The following IL12RB2 variants were observed in gnomAD, a reference collection of about 807,000 sequenced individuals.
IL12RB2 encodes the protein interleukin 12 receptor subunit beta 2.
In IL12RB2, 82 loss-of-function variants were observed where a neutral mutation model predicts 89.4. That is an observed-to-expected ratio of 0.92 (90% CI 0.77 to 1.10). The LOEUF is 1.10. Among genes scored for constraint, IL12RB2 ranks in the 50% least tolerant of loss-of-function variants. IL12RB2 has a pLI of 0.00. For missense variants in IL12RB2, 963 were observed against 1,031.9 expected (o/e 0.93, Z 0.92); for synonymous variants, 368 against 370.1 (o/e 0.99, Z 0.07).
rs866154585 is a variant in IL12RB2, at chr1:67,390,084, G to A, written c.2002G>A (p.Asp668Asn). ...TCAGTGGTGTAGCAGAGAAATTCCA[G>A]ATCCAGCAAATAGCACTTGCGCTAA... Reference protein sequence around the residue: ...RPQWCSREIPDPANSTCAKKY... With the variant: ...RPQWCSREIPNPANSTCAKKY... The change falls in exon 16 of 17, where the codon GAT (aspartate) becomes AAT (asparagine). Residue 668 changes from aspartate (D) to asparagine (N), a missense_variant. Physicochemically the swap from Asp to Asn is conservative, Grantham distance 23 (BLOSUM62 1). Coordinates refer to ENST00000674203, the MANE Select transcript of IL12RB2 (RefSeq NM_001374259.2). 5 of 1,401,154 alleles carry A rather than the reference G, an allele frequency of 3.6e-6. No homozygotes were observed. In the Middle Eastern group the frequency reaches 7.1e-4, roughly 198 times the overall value. 86.8% of individuals were successfully genotyped at this position (1,401,154 alleles called of 1,614,324 possible).
rs745823631 is a variant in IL12RB2, at chr1:67,328,327, G to A, written c.607G>A (p.Val203Ile). 5 of 1,614,034 alleles carry A rather than the reference G, an allele frequency of 3.1e-6. No individual in the cohort carries two copies. Among genetic ancestry groups the A allele is most frequent in the Admixed American group, 3.3e-5 (2 of 60,000 alleles). Residue 203 changes from valine (V) to isoleucine (I), a missense_variant, in exon 6 of 17, where the codon GTC becomes ATC. Physicochemically the swap from Val to Ile is conservative, Grantham distance 29. Coordinates refer to ENST00000674203, the MANE Select transcript of IL12RB2 (RefSeq NM_001374259.2). ...ESNFTAKVTA[V>I]NSLGSSSSLP... is the part of the protein sequence containing the mutation. ...CAATTTCACAGCCAAGGTTACTGCT[G>A]TCAATAGTCTTGGAAGCTCCTCTTC...
intron 13 of IL12RB2, 81 bp downstream of exon 13, chr1:67,372,864 C>G: frequency 6.6e-6 from 6 of 910,840 alleles, no homozygotes; most frequent in African/African-American, 1.6e-5. Flanking sequence ...GTGTGCACAT[C>G]TACACACATG....
At chr1:67,377,846 C>T (rs763271354) in intron 13 of IL12RB2, among the ~76,000 whole-genome samples, 3 of 152,098 alleles carry the variant, frequency 2.0e-5, no homozygotes, top group South Asian at 2.1e-4. Flanking sequence ...TGAAACTCGG[C>T]GGGGTGCGGT....
intron 14 of IL12RB2, among the ~76,000 whole-genome samples, chr1:67,386,359 G>A (rs1385364846): frequency 1.3e-5 from 2 of 152,092 alleles, no homozygotes; most frequent in African/African-American, 2.4e-5. Context: ...CCTGTGAGTC[G>A]GAGGAGCCCT....
At chr1:67,331,775 G>A (rs1241902077) in intron 8 of IL12RB2, among the ~76,000 whole-genome samples, 1 of 152,124 alleles carries the variant, frequency 6.6e-6, no homozygotes, top group African/African-American at 2.4e-5. Flanking sequence ...GGAGGCAAAG[G>A]TTGCAATGAG....
At chr1:67,343,688 A>T (rs981265972) in intron 9 of IL12RB2, among the ~76,000 whole-genome samples, 1 of 152,158 alleles carries the variant, frequency 6.6e-6, no homozygotes, top group Non-Finnish European at 1.5e-5. Flanking sequence ...TTAAAACAGC[A>T]TGTATCTTTT....
chr1:67,385,560 C>A (rs1157065849), intron 14 of IL12RB2, among the ~76,000 whole-genome samples: 1 of 152,226 alleles, frequency 6.6e-6, no homozygotes, highest in Non-Finnish European at 1.5e-5. Context: ...ACATTCATGA[C>A]TTCTTTAGAC....
rs568011791 is a variant in IL12RB2, at chr1:67,319,916, G to A, written c.-36-417G>A. 2.6e-5 allele frequency among the ~76,000 whole-genome samples: 4 copies of A among 152,254 alleles called. No individual in the cohort carries two copies. In the East Asian group the frequency reaches 7.7e-4, roughly 29 times the overall value. On this transcript the variant is annotated intron_variant, in intron 2 of 16. Coordinates refer to ENST00000674203, the MANE Select transcript of IL12RB2 (RefSeq NM_001374259.2). The stretch of plus-strand genomic sequence containing the variant: ...TCCGTTGTCCCTTCCACCATGTGAG[G>A]TCGCAGCAAGAAGGCCCCATCTATG...
Position 67,308,553 on chromosome 1 carries a change from CCAGCCT to C in IL12RB2, c.-125+590_-125+595del, listed in dbSNP as rs1392942764. On this transcript the variant is annotated intron_variant, in intron 1 of 16. Coordinates refer to ENST00000674203, the MANE Select transcript of IL12RB2 (RefSeq NM_001374259.2). The stretch of plus-strand genomic sequence containing the variant: ...AGATGCTCTGGTGCAAGCAAATTGG[CCAGCCT>C]CAGTTTTCTCTTCTGTGAAATGCCC... 2.0e-5 allele frequency among the ~76,000 whole-genome samples: 3 copies of C among 152,242 alleles called. No individual in the cohort carries two copies. In the East Asian group the frequency reaches 5.8e-4, roughly 29 times the overall value.
chr1:67,357,314 G>A (rs1661509096), intron 10 of IL12RB2, among the ~76,000 whole-genome samples: 1 of 152,226 alleles, frequency 6.6e-6, no homozygotes, highest in Non-Finnish European at 1.5e-5. Flanking sequence ...GGAAGTGGAG[G>A]TTGCAGTGAG....
At chr1:67,379,769 T>C (rs1019080200) in intron 13 of IL12RB2, among the ~76,000 whole-genome samples, 1 of 152,046 alleles carries the variant, frequency 6.6e-6, no homozygotes, top group African/African-American at 2.4e-5. Flanking sequence ...TACAAAAAAA[T>C]AATTTGTTTA....
chr1:67,307,797 C>G (rs1367747004), upstream of IL12RB2: 2 of 152,190 alleles, frequency 1.3e-5, no homozygotes, highest in East Asian at 1.9e-4. Context: ...CGCGCCCACC[C>G]CGGAGTTGGT....
At chr1:67,337,736 T>C (rs1222184279) in intron 8 of IL12RB2, among the ~76,000 whole-genome samples, 1 of 152,160 alleles carries the variant, frequency 6.6e-6, no homozygotes, top group Non-Finnish European at 1.5e-5. Context: ...AAGTACATCA[T>C]TGTCTAATGA....
chr1:67,348,396 T>C (rs1339596659), intron 9 of IL12RB2, among the ~76,000 whole-genome samples: 1 of 152,184 alleles, frequency 6.6e-6, no homozygotes, highest in African/African-American at 2.4e-5. Flanking sequence ...CAGCACGTCA[T>C]AACAGAGGGA....
chr1:67,356,345 C>T (rs1243959004), intron 10 of IL12RB2, among the ~76,000 whole-genome samples: 1 of 152,136 alleles, frequency 6.6e-6, no homozygotes, highest in African/African-American at 2.4e-5. Context: ...GATCGCTGCC[C>T]AGGAATCTCT....
chr1:67,308,998 C>T (rs1654659933), intron 1 of IL12RB2, among the ~76,000 whole-genome samples: 1 of 151,626 alleles, frequency 6.6e-6, no homozygotes, highest in Non-Finnish European at 1.5e-5. Context: ...CCAACCTGGG[C>T]AACAGAGCGA....
chr1:67,359,048 C>T (rs958524439), intron 10 of IL12RB2, among the ~76,000 whole-genome samples: 1 of 151,580 alleles, frequency 6.6e-6, no homozygotes, highest in East Asian at 1.9e-4. Flanking sequence ...GGCTGAGGCA[C>T]GAAAATGGCT....
At chr1:67,359,620 G>T (rs909541128) in intron 10 of IL12RB2, among the ~76,000 whole-genome samples, 8 of 152,086 alleles carry the variant, frequency 5.3e-5, no homozygotes, top group Admixed American at 1.3e-4. Context: ...TACTCCAGAG[G>T]CTGGGACAGG....
chr1:67,320,264 T>C, intron 2 of IL12RB2, 69 bp from the exon 3 acceptor site: 1 of 1,602,906 alleles, frequency 6.2e-7, no homozygotes. Flanking sequence ...TTGAAGCTCT[T>C]CTGAGCTATT....
Sources: allele counts gnomAD v4.1 joint callset (sites outside exome capture counted in the v4.1 genomes callset), GRCh38; gene constraint gnomAD v4.1.1; transcripts MANE v1.5; gene names NCBI Gene and HGNC (gene_info 2026-07-23, HGNC 2026-07-21).